The following ENTPD1 variants were observed in gnomAD, a reference collection of about 807,000 sequenced individuals.
The protein encoded by ENTPD1 is ATP diphosphohydrolase.
In ENTPD1, 33 loss-of-function variants were observed where a neutral mutation model predicts 57.0. That is an observed-to-expected ratio of 0.58 (90% CI 0.44 to 0.77). ENTPD1 has a LOEUF of 0.77. Ranked by LOEUF, ENTPD1 falls within the 30% of genes least tolerant of loss-of-function variation. The probability of loss-of-function intolerance (pLI) is 0.00; values close to 1 mark genes in which losing one functional copy is unlikely to be tolerated. For missense variants in ENTPD1, 501 were observed against 603.4 expected (o/e 0.83, Z 1.78); for synonymous variants, 202 against 218.8 (o/e 0.92, Z 0.68).
chr10:95,769,669 G>A (rs978569471), intron 1 of ENTPD1, among the ~76,000 whole-genome samples: 1 of 152,202 alleles, frequency 6.6e-6, no homozygotes, highest in Admixed American at 6.5e-5. Context: ...CAGACATAAA[G>A]GGATATAAGC....
intron 1 of ENTPD1, among the ~76,000 whole-genome samples, chr10:95,729,447 G>C (rs2097987088): frequency 6.6e-6 from 1 of 152,178 alleles, no homozygotes; most frequent in African/African-American, 2.4e-5. Context: ...GGCACTATCT[G>C]TTTCCTCAGG....
chr10:95,822,758 T>C (rs1756836038), intron 1 of ENTPD1, among the ~76,000 whole-genome samples: 1 of 152,226 alleles, frequency 6.6e-6, no homozygotes, highest in Non-Finnish European at 1.5e-5. Context: ...AAGGGTGGTT[T>C]AAATGCAAGG....
At chr10:95,701,042 C>T in the ENTPD1 span, among the ~76,000 whole-genome samples, 1 of 152,202 alleles carries the variant, frequency 6.6e-6, no homozygotes, top group African/African-American at 2.4e-5. Context: ...GATCTGCCCG[C>T]CTCAGCCTCC....
intron 1 of ENTPD1, among the ~76,000 whole-genome samples, chr10:95,785,750 C>G (rs985941980): frequency 2.6e-5 from 4 of 152,192 alleles, no homozygotes; most frequent in Admixed American, 2.6e-4. Flanking sequence ...TCCTCAAATT[C>G]CAGCTCTGTG....
chr10:95,863,266 T>C (rs2098468465), intron 8 of ENTPD1, among the ~76,000 whole-genome samples: 1 of 152,216 alleles, frequency 6.6e-6, no homozygotes, highest in African/African-American at 2.4e-5. Flanking sequence ...CCACAAGGGA[T>C]AGGCCAGCCT....
chr10:95,763,474 G>T (rs1278297822), intron 1 of ENTPD1, among the ~76,000 whole-genome samples: 2 of 152,126 alleles, frequency 1.3e-5, no homozygotes, highest in Non-Finnish European at 2.9e-5. Context: ...CATATGATGG[G>T]TTTGTGTAAA....
At chr10:95,772,107 A>C (rs915899096) in intron 1 of ENTPD1, among the ~76,000 whole-genome samples, 1 of 152,256 alleles carries the variant, frequency 6.6e-6, no homozygotes, top group Non-Finnish European at 1.5e-5. Flanking sequence ...TTGCTAAAAA[A>C]ATGCTAACAG....
At chr10:95,736,791 A>G (rs2861148) in intron 1 of ENTPD1, among the ~76,000 whole-genome samples, 1 of 151,902 alleles carries the variant, frequency 6.6e-6, no homozygotes, top group African/African-American at 2.4e-5. Flanking sequence ...CCACCCCCCA[A>G]CCCTTAACTA....
At chr10:95,819,258 G>A (rs1172913814) in intron 1 of ENTPD1, among the ~76,000 whole-genome samples, 1 of 152,020 alleles carries the variant, frequency 6.6e-6, no homozygotes, top group Non-Finnish European at 1.5e-5. Flanking sequence ...CGGTGTCCTG[G>A]GCTCAAGCGA....
chr10:95,789,664 A>G (rs2098195014), intron 1 of ENTPD1, among the ~76,000 whole-genome samples: 1 of 152,204 alleles, frequency 6.6e-6, no homozygotes, highest in East Asian at 1.9e-4. Context: ...ATATTAATCT[A>G]TCATTACTAC....
At chr10:95,854,179 G>A (rs1248784197) in intron 7 of ENTPD1, among the ~76,000 whole-genome samples, 1 of 152,182 alleles carries the variant, frequency 6.6e-6, no homozygotes, top group Non-Finnish European at 1.5e-5. Flanking sequence ...GTGTGTCGAG[G>A]AATTTATCTA....
chr10:95,760,811 A>ATTCTTTTTTTTTT (rs2098055584), intron 1 of ENTPD1, among the ~76,000 whole-genome samples: 1 of 48,406 alleles, frequency 2.1e-5, no homozygotes, highest in African/African-American at 8.1e-5. Context: ...CATAGAGTTT[A>ATTCTTTTTTTTTT]TTCTTTTTTT....
intron 1 of ENTPD1, among the ~76,000 whole-genome samples, chr10:95,727,931 T>G (rs2097985406): frequency 6.6e-6 from 1 of 152,246 alleles, no homozygotes; most frequent in Non-Finnish European, 1.5e-5. Flanking sequence ...ATATTTTGTA[T>G]AAGTTAAATT....
At chr10:95,772,538 C>G (rs1441367837) in intron 1 of ENTPD1, among the ~76,000 whole-genome samples, 9 of 152,224 alleles carry the variant, frequency 5.9e-5, no homozygotes, top group African/African-American at 2.2e-4. Context: ...CAAGTTTCAT[C>G]ATGAGATTGC....
intron 1 of ENTPD1, among the ~76,000 whole-genome samples, chr10:95,818,358 A>C (rs952857504): frequency 6.6e-6 from 1 of 152,206 alleles, no homozygotes; most frequent in African/African-American, 2.4e-5. Context: ...GTAAAATGGG[A>C]AGGGCTGAAA....
the ENTPD1 span, among the ~76,000 whole-genome samples, chr10:95,704,443 A>T: frequency 6.6e-6 from 1 of 152,214 alleles, no homozygotes; most frequent in Non-Finnish European, 1.5e-5. Flanking sequence ...TGGCTCCAAG[A>T]TCAACAAATA....
chr10:95,825,734 C>T (rs1371477922), intron 2 of ENTPD1, among the ~76,000 whole-genome samples: 1 of 152,062 alleles, frequency 6.6e-6, no homozygotes, highest in African/African-American at 2.4e-5. Context: ...CCCGCCATCA[C>T]GCCCGGCTAA....
intron 1 of ENTPD1, among the ~76,000 whole-genome samples, chr10:95,742,906 T>C (rs1392478726): frequency 6.6e-6 from 1 of 152,234 alleles, no homozygotes; most frequent in African/African-American, 2.4e-5. Context: ...ATGAAGATAG[T>C]ACAGAAAGTT....
Position 95,808,348 on chromosome 10 carries a change from A to G in ENTPD1, c.17-14889A>G, listed in dbSNP as rs11188493. On this transcript the variant is annotated intron_variant, in intron 1 of 9. Coordinates refer to ENST00000371205, the MANE Select transcript of ENTPD1 (RefSeq NM_001776.6). ...TATTTTGTTGAGGATATTTGCATCC[A>G]TGTTTATCAAGGATATTGGCCTGAA... Among the ~76,000 whole-genome samples the G allele has an allele frequency of 2.6e-5, 4 of 152,352 alleles. No individual in the cohort carries two copies. The East Asian group carries it at 5.8e-4, about 22-fold the overall frequency.
Sources: gnomAD v4.1 joint callset for allele counts (sites outside exome capture counted in the v4.1 genomes callset) on GRCh38, gnomAD v4.1.1 for gene constraint, MANE v1.5 for transcripts, NCBI Gene and HGNC (gene_info 2026-07-23, HGNC 2026-07-21) for gene names.